Variants in MYO1B observed in about 807,000 individuals in gnomAD.
The protein encoded by MYO1B is unconventional myosin-Ib.
In MYO1B, 72 loss-of-function variants were observed where a neutral mutation model predicts 159.7. The ratio of observed to expected loss-of-function variants is 0.45; its 90% CI spans 0.37 to 0.55. MYO1B has a LOEUF of 0.55. Among genes scored for constraint, MYO1B ranks in the 20% least tolerant of loss-of-function variants. The probability of loss-of-function intolerance (pLI) is 0.00; values close to 1 mark genes in which losing one functional copy is unlikely to be tolerated. For missense variants in MYO1B, 1,062 were observed against 1,364.8 expected (o/e 0.78, Z 3.50); for synonymous variants, 468 against 473.8 (o/e 0.99, Z 0.16).
Position 191,374,519 on chromosome 2 carries a change from C to G in MYO1B, c.1185+4227C>G, listed in dbSNP as rs1009153490. Among the ~76,000 whole-genome samples, 21 of 152,154 alleles carry G rather than the reference C, an allele frequency of 1.4e-4. 1 individual carries two copies. The highest frequency in any genetic ancestry group is 1.2e-3 in the Admixed American group (19 of 15,278). ...CTTTTTTAGCTGAGCTGGTGGAAAC[C>G]TTTCATTCCCTGTGGTCTGTCTCTG... On this transcript the variant is annotated intron_variant, in intron 13 of 30. Transcript: ENST00000392318.
At chr2:191,397,063 T>G (rs1016672336) in intron 21 of MYO1B, among the ~76,000 whole-genome samples, 1 of 141,584 alleles carries the variant, frequency 7.1e-6, no homozygotes, top group Non-Finnish European at 1.5e-5. Context: ...TCATACAACC[T>G]GCAAGCTAAG....
chr2:191,408,088 A>C, intron 24 of MYO1B, 27 bp from the exon 25 acceptor site: 1 of 1,529,706 alleles, frequency 6.5e-7, no homozygotes, highest in Middle Eastern at 1.7e-4. Context: ...CACATTAACC[A>C]CTGTAACCTA....
intron 3 of MYO1B, among the ~76,000 whole-genome samples, chr2:191,297,547 CAG>C (rs1689059499): frequency 1.3e-5 from 2 of 152,162 alleles, no homozygotes; most frequent in Admixed American, 1.3e-4. Context: ...TCTCTCAAAA[CAG>C]ATGATATGCT....
At chr2:191,289,594 A>G (rs1032768561) in intron 2 of MYO1B, among the ~76,000 whole-genome samples, 3 of 152,244 alleles carry the variant, frequency 2.0e-5, no homozygotes, top group African/African-American at 4.8e-5. Context: ...GGAAGCAGGT[A>G]GGTAGACAGA....
chr2:191,358,325 CTTTCTAT>C (rs1693433661), intron 7 of MYO1B, among the ~76,000 whole-genome samples: 1 of 152,190 alleles, frequency 6.6e-6, no homozygotes, highest in East Asian at 1.9e-4. Context: ...GGAAGGTTCT[CTTTCTAT>C]TTTCCCTTTG....
At chr2:191,269,191 C>T (rs1687315382) in intron 1 of MYO1B, among the ~76,000 whole-genome samples, 1 of 152,156 alleles carries the variant, frequency 6.6e-6, no homozygotes. Flanking sequence ...CTGGTAACCA[C>T]CATTCTTTTT....
rs747115082 is a variant in MYO1B, at chr2:191,393,230, T to A, written c.2226+8T>A. The stretch of plus-strand genomic sequence containing the variant: ...TGGTACAGGAGATATGCGGTAAGAG[T>A]CTCAGTCATTTTAAATCAGTAATAA... On this transcript the variant is annotated splice_region_variant and intron_variant, in intron 20 of 30. Transcript: ENST00000392318. 1 of 1,612,866 alleles carries A rather than the reference T, an allele frequency of 6.2e-7. No individual in the cohort carries two copies. Among genetic ancestry groups the A allele is most frequent in the East Asian group, 2.2e-5 (1 of 44,856 alleles).
intron 27 of MYO1B, among the ~76,000 whole-genome samples, chr2:191,411,944 C>T (rs932567161): frequency 1.3e-5 from 2 of 152,102 alleles, no homozygotes; most frequent in African/African-American, 4.8e-5. Context: ...CAATGAATGG[C>T]CAAAGAAAGA....
At chr2:191,331,905 T>C (rs1293366221) in intron 4 of MYO1B, among the ~76,000 whole-genome samples, 2 of 152,206 alleles carry the variant, frequency 1.3e-5, no homozygotes, top group Non-Finnish European at 2.9e-5. Context: ...CTTCATGAAA[T>C]TGCATACCAA....
chr2:191,364,195 A>T lies in MYO1B; in HGVS notation c.951A>T (p.Gln317His). ...KEICELTGID[Q>H]SVLERAFSFR... Reference sequence around the variant, plus strand: ...TTTGTGAATTGACCGGCATTGATCAATCAGTTCTAGAACGAGCATTCAGTT... The same window carrying T: ...TTTGTGAATTGACCGGCATTGATCATTCAGTTCTAGAACGAGCATTCAGTT... Residue 317 changes from glutamine to histidine, a missense_variant, in exon 11 of 31, where the codon CAA becomes CAT. Transcript: ENST00000392318. 1 of 1,613,968 alleles carries T rather than the reference A, an allele frequency of 6.2e-7. No homozygotes were observed. The highest frequency in any genetic ancestry group is 1.3e-5 in the African/African-American group (1 of 75,048).
chr2:191,284,039 G>A (rs1688218280), intron 2 of MYO1B, among the ~76,000 whole-genome samples: 1 of 152,222 alleles, frequency 6.6e-6, no homozygotes. Flanking sequence ...TAGCAGCCAT[G>A]ACAATGATTT....
chr2:191,278,989 C>A (rs1687902402), intron 2 of MYO1B, among the ~76,000 whole-genome samples: 1 of 152,138 alleles, frequency 6.6e-6, no homozygotes, highest in South Asian at 2.1e-4. Flanking sequence ...CATTCAAATA[C>A]CTGATTTGTT....
chr2:191,331,082 AAC>A (rs1210968820), intron 4 of MYO1B, among the ~76,000 whole-genome samples: 1 of 152,160 alleles, frequency 6.6e-6, no homozygotes, highest in Admixed American at 6.5e-5. Flanking sequence ...CCTTAGGCGT[AAC>A]TCCTCCCTGC....
intron 4 of MYO1B, among the ~76,000 whole-genome samples, chr2:191,336,065 G>A (rs932137765): frequency 1.3e-5 from 2 of 152,126 alleles, no homozygotes; most frequent in Admixed American, 6.5e-5. Context: ...ATGGGGGCAG[G>A]GGGGCAGAAT....
At chr2:191,331,530 T>C (rs1267676053) in intron 4 of MYO1B, among the ~76,000 whole-genome samples, 1 of 152,228 alleles carries the variant, frequency 6.6e-6, no homozygotes, top group African/African-American at 2.4e-5. Flanking sequence ...ACTTAGTTAT[T>C]TGAAGTCAAC....
intron 11 of MYO1B, among the ~76,000 whole-genome samples, chr2:191,365,220 A>G (rs565941049): frequency 6.6e-6 from 1 of 152,328 alleles, no homozygotes; most frequent in African/African-American, 2.4e-5. Flanking sequence ...TCAGGCTAGA[A>G]TTAAATTACT....
intron 12 of MYO1B, 98 bp downstream of exon 12, chr2:191,369,726 T>TTATAAA: frequency 1.2e-6 from 1 of 865,320 alleles, no homozygotes; most frequent in Non-Finnish European, 1.9e-6. Context: ...AAATAATTGA[T>TTATAAA]TGCCACTTAC....
At chr2:191,373,461 C>A (rs577377564) in intron 13 of MYO1B, among the ~76,000 whole-genome samples, 1 of 152,264 alleles carries the variant, frequency 6.6e-6, no homozygotes, top group Non-Finnish European at 1.5e-5. Context: ...GTATGAAACA[C>A]CCTTGTAAAA....
At chr2:191,383,394 C>G (rs1239951530) in intron 15 of MYO1B, 52 bp downstream of exon 15, 4 of 1,156,036 alleles carry the variant, frequency 3.5e-6, no homozygotes, top group Non-Finnish European at 4.7e-6. Flanking sequence ...TATAATTCAC[C>G]CTTATAAATG....
Sources: gnomAD v4.1 joint callset for allele counts (sites outside exome capture counted in the v4.1 genomes callset) on GRCh38, gnomAD v4.1.1 for gene constraint, MANE v1.5 for transcripts, NCBI Gene and HGNC (gene_info 2026-07-23, HGNC 2026-07-21) for gene names.